GNAL: variants seen among roughly 807,000 people sequenced by gnomAD.
GNAL encodes guanine nucleotide-binding protein G(olf) subunit alpha.
In GNAL, 18 loss-of-function variants were observed where a neutral mutation model predicts 55.1. The observed-to-expected ratio is 0.33, with a 90% confidence interval of 0.23 to 0.48. The LOEUF (loss-of-function observed/expected upper bound fraction) is 0.48. Ranked by LOEUF, GNAL falls within the 20% of genes least tolerant of loss-of-function variation. The probability of loss-of-function intolerance (pLI) is 0.99; values close to 1 mark genes in which losing one functional copy is unlikely to be tolerated. For synonymous variants in GNAL, 253 were observed against 237.0 expected, an observed-to-expected ratio of 1.07 and a Z score of -0.62; for missense variants, 412 against 614.1, an observed-to-expected ratio of 0.67 and a Z score of 3.48.
rs3892115 is a variant in GNAL at position 11,876,801 on chromosome 18, C to T, written c.1230+113C>T. Reference sequence around the variant, plus strand: ...ATTTAATCTTCCTTAACATTACGAGCGATGACAAAGGGTATGTTACTTTAA... The same window carrying T: ...ATTTAATCTTCCTTAACATTACGAGTGATGACAAAGGGTATGTTACTTTAA... On this transcript the variant is annotated intron_variant, in intron 11 of 11. Transcript: ENST00000334049. The T allele has an allele frequency of 3.5e-4, 259 of 735,216 alleles. 2 individuals are homozygous for T. The African/African-American group carries it at 3.8e-3, about 11-fold the overall frequency. The allele number at this position is 735,216 out of a possible 1,614,324, so 45.5% of individuals were successfully genotyped here.
At chr18:11,700,749 G>A (rs1256330745) in intron 1 of GNAL, among the ~76,000 whole-genome samples, 1 of 152,242 alleles carries the variant, frequency 6.6e-6, no homozygotes, top group Non-Finnish European at 1.5e-5. Flanking sequence ...GATGTAGGTT[G>A]CATCACTGTG....
At chr18:11,730,209 G>T (rs1335481033) in intron 1 of GNAL, among the ~76,000 whole-genome samples, 3 of 150,290 alleles carry the variant, frequency 2.0e-5, no homozygotes, top group Non-Finnish European at 4.4e-5. Context: ...ACCCAAGCTG[G>T]AGTGCAGTGG....
chr18:11,774,223 G>A (rs1003823898), intron 4 of GNAL, among the ~76,000 whole-genome samples: 4 of 152,204 alleles, frequency 2.6e-5, no homozygotes, highest in Admixed American at 2.0e-4. Context: ...ACGTCTTGGT[G>A]TGGCCGAAGA....
intron 4 of GNAL, among the ~76,000 whole-genome samples, chr18:11,789,271 A>G (rs554495697): frequency 2.4e-4 from 37 of 152,312 alleles, no homozygotes; most frequent in Middle Eastern, 3.4e-3. Flanking sequence ...TGTTGAAAAC[A>G]TCCCTTTCCT....
At chr18:11,763,558 G>A (rs1027748144) in intron 4 of GNAL, among the ~76,000 whole-genome samples, 1 of 151,822 alleles carries the variant, frequency 6.6e-6, no homozygotes, top group African/African-American at 2.4e-5. Flanking sequence ...TGTATTTTTA[G>A]TAGAGATGGG....
At chr18:11,701,091 C>T (rs369482912) in intron 1 of GNAL, among the ~76,000 whole-genome samples, 9 of 152,160 alleles carry the variant, frequency 5.9e-5, no homozygotes, top group Admixed American at 4.6e-4. Flanking sequence ...AGAGAAAGGA[C>T]AAGAACCTAA....
At chr18:11,797,207 C>T (rs935155440) in intron 4 of GNAL, among the ~76,000 whole-genome samples, 6 of 151,680 alleles carry the variant, frequency 4.0e-5, no homozygotes, top group Non-Finnish European at 8.8e-5. Flanking sequence ...GCTGGGATTA[C>T]AGGCGTGAGC....
chr18:11,883,843 A>C lies in GNAL; in HGVS notation c.*2708A>C, dbSNP rs1377202526. 1 of 152,200 alleles carries C rather than the reference A, an allele frequency of 6.6e-6. No homozygotes were observed. The highest frequency in any genetic ancestry group is 1.9e-4 in the East Asian group (1 of 5,182). The allele number at this position is 152,200 out of a possible 1,614,324, so 9.4% of individuals were successfully genotyped here. On this transcript the variant is annotated 3_prime_UTR_variant, in exon 12 of 12. Coordinates refer to ENST00000334049, the MANE Select transcript of GNAL (RefSeq NM_182978.4). ...TCAGCTGGTATTATAGGCACTTGCT[A>C]CCATGCTTGGCTAATTTTTGTATTT...
chr18:11,862,257 A>C, intron 5 of GNAL, 138 bp from the exon 6 acceptor site: 1 of 598,810 alleles, frequency 1.7e-6, no homozygotes, highest in East Asian at 2.7e-5. Context: ...AATTCAGGAA[A>C]CAAAGTAAGA....
At chr18:11,821,627 G>T (rs930302714) in intron 4 of GNAL, among the ~76,000 whole-genome samples, 1 of 152,276 alleles carries the variant, frequency 6.6e-6, no homozygotes, top group African/African-American at 2.4e-5. Context: ...GAAAACAGCA[G>T]AAGCCGAAGC....
At position 11,885,538 on chromosome 18, in the gene GNAL, T is replaced by C. The variant is rs916283353; in HGVS notation, c.*4403T>C. ...AGGGTGTTTGGCAAGGGGCAGTGTA[T>C]GGAGCTACGTGTAGAAGGAGAGAAA... is the stretch of plus-strand genomic sequence containing the variant. On this transcript the variant is annotated 3_prime_UTR_variant, in exon 12 of 12. Transcript: ENST00000334049. 3 of 1,005,698 alleles carry C rather than the reference T, an allele frequency of 3.0e-6. No individual in the cohort carries two copies. Among genetic ancestry groups the C allele is most frequent in the Middle Eastern group, 3.3e-4 (1 of 3,032 alleles). The allele number at this position is 1,005,698 out of a possible 1,614,324, so 62.3% of individuals were successfully genotyped here. A position where few individuals can be genotyped will look rare whatever the true frequency, so the allele number is the denominator to read the frequency against.
At chr18:11,704,233 C>T (rs778945395) in intron 1 of GNAL, among the ~76,000 whole-genome samples, 2 of 152,202 alleles carry the variant, frequency 1.3e-5, no homozygotes, top group Non-Finnish European at 2.9e-5. Context: ...GGTCATACCA[C>T]GGAACACATC....
rs192787396 is a variant in GNAL at position 11,768,992 on chromosome 18, T to C, written c.624+15047T>C. 1.7e-4 allele frequency among the ~76,000 whole-genome samples: 18 copies of C among 105,326 alleles called. 1 individual carries two copies. Among genetic ancestry groups the C allele is most frequent in the African/African-American group, 8.5e-4 (15 of 17,618 alleles). 69.1% of individuals were successfully genotyped at this position (105,326 alleles called of 152,430 possible). On this transcript the variant is annotated intron_variant, in intron 4 of 11. Transcript: ENST00000334049. ...TATTATATATATTATATATTCTATA[T>C]TATAATATAGAATATATATATTCTA...
rs1007276917 is a variant in GNAL at position 11,851,461 on chromosome 18, C to T, written c.723-10934C>T. The T allele has an allele frequency of 1.3e-5, 19 of 1,479,298 alleles. No homozygotes were observed. In the Admixed American group the frequency reaches 1.3e-4, roughly 10 times the overall value. 91.6% of individuals were successfully genotyped at this position (1,479,298 alleles called of 1,614,324 possible). The stretch of plus-strand genomic sequence containing the variant: ...GAGCGGACTTACCTTACCTTCTCTG[C>T]CTTCGGCGCGCTTCTCAGCCGGGCC... On this transcript the variant is annotated intron_variant, in intron 5 of 11. Coordinates refer to ENST00000334049, the MANE Select transcript of GNAL (RefSeq NM_182978.4).
intron 6 of GNAL, 71 bp from the exon 7 acceptor site, chr18:11,864,462 G>C: frequency 2.4e-6 from 2 of 822,286 alleles, no homozygotes; most frequent in Non-Finnish European, 4.4e-6. Context: ...ATGAGGTATA[G>C]TTATACCCGG....
chr18:11,744,417 T>G (rs1449849290), intron 1 of GNAL, among the ~76,000 whole-genome samples: 1 of 152,206 alleles, frequency 6.6e-6, no homozygotes, highest in Non-Finnish European at 1.5e-5. Flanking sequence ...ATTTTTATCA[T>G]GATGTTTTTT....
intron 1 of GNAL, among the ~76,000 whole-genome samples, chr18:11,743,339 G>A (rs1297640008): frequency 6.7e-6 from 1 of 150,032 alleles, no homozygotes; most frequent in Non-Finnish European, 1.5e-5. Flanking sequence ...AACCACCACT[G>A]TTAGGCATTT....
intron 4 of GNAL, among the ~76,000 whole-genome samples, chr18:11,791,589 T>TA (rs1182081338): frequency 6.6e-6 from 1 of 152,216 alleles, no homozygotes; most frequent in Non-Finnish European, 1.5e-5. Flanking sequence ...CTTAATAAGA[T>TA]ACTAAGCTCA....
Position 11,884,982 on chromosome 18 carries a change from G to A in GNAL, c.*3847G>A. The A allele has an allele frequency of 7.7e-7, 1 of 1,303,684 alleles. No individual in the cohort carries two copies. The highest frequency in any genetic ancestry group is 1.0e-6 in the Non-Finnish European group (1 of 1,000,236). The allele number at this position is 1,303,684 out of a possible 1,614,324, so 80.8% of individuals were successfully genotyped here. A position where few individuals can be genotyped will look rare whatever the true frequency, so the allele number is the denominator to read the frequency against. ...CGTGGAGTTCCAGGGTCATCGGTCAGCGAGGAACAAGGAGGGAAAGGTGTC... is the reference window on the plus strand; with the variant it reads ...CGTGGAGTTCCAGGGTCATCGGTCAACGAGGAACAAGGAGGGAAAGGTGTC... On this transcript the variant is annotated 3_prime_UTR_variant, in exon 12 of 12. Transcript: ENST00000334049.
Sources: gnomAD v4.1 joint callset for allele counts (sites outside exome capture counted in the v4.1 genomes callset) on GRCh38, gnomAD v4.1.1 for gene constraint, MANE v1.5 for transcripts, NCBI Gene and HGNC (gene_info 2026-07-23, HGNC 2026-07-21) for gene names.